NRXN2: variants seen among roughly 807,000 people sequenced by gnomAD.
The protein encoded by NRXN2 is neurexin 2.
NRXN2 carries 29 observed loss-of-function variants against 128.8 expected under a neutral mutation model. That is an observed-to-expected ratio of 0.23 (90% confidence interval 0.17 to 0.31). NRXN2 has a LOEUF of 0.31. Ranked by LOEUF, NRXN2 falls within the 10% of genes least tolerant of loss-of-function variation. NRXN2 has a pLI of 1.00. For synonymous variants in NRXN2, 1,098 were observed against 1,075.2 expected (o/e 1.02, Z -0.41); for missense variants, 1,881 against 2,452.6 (o/e 0.77, Z 4.92).
In NRXN2 at chr11:64,607,734, G is replaced by C; in HGVS notation, c.4601C>G (p.Pro1534Arg). The C allele has an allele frequency of 1.3e-6, 2 of 1,572,260 alleles. No individual in the cohort carries two copies. Among genetic ancestry groups the C allele is most frequent in the South Asian group, 2.3e-5 (2 of 85,606 alleles). The change falls in exon 23 of 23, where the codon CCC becomes CGC. Residue 1534 changes from proline (P) to arginine (R), a missense_variant. Pro to Arg is a moderately radical substitution (Grantham distance 103). This residue lies in a region of NRXN2 where 310 missense variants were observed against 318.2 expected (regional missense o/e 0.97). Coordinates refer to ENST00000265459, the MANE Select transcript of NRXN2 (RefSeq NM_015080.4). ...TTLLSPRKPA[P>R]RPNLRTDGAT... is the part of the protein sequence containing the mutation. The stretch of plus-strand genomic sequence containing the variant: ...CCCATCTGTCCTGAGGTTGGGCCGG[G>C]GAGCGGGTTTGCGGGGTGACAGGAG...
At chr11:64,704,619 C>CAGAG in intron 2 of NRXN2, among the ~76,000 whole-genome samples, 4 of 104,106 alleles carry the variant, frequency 3.8e-5, no homozygotes, top group Non-Finnish European at 7.8e-5. Context: ...CACACACACA[C>CAGAG]ACACAGAGAG....
intron 19 of NRXN2, 32 bp from the exon 20 acceptor site, chr11:64,626,584 T>C: frequency 6.4e-7 from 1 of 1,552,568 alleles, no homozygotes; most frequent in Non-Finnish European, 8.9e-7. Context: ...AGTAGGTTTC[T>C]CAGGCAGCGA....
At chr11:64,647,371 C>T (rs1408167109) in intron 17 of NRXN2, among the ~76,000 whole-genome samples, 1 of 152,000 alleles carries the variant, frequency 6.6e-6, no homozygotes, top group Non-Finnish European at 1.5e-5. Flanking sequence ...ACTCCAGCCC[C>T]ATCATCCAAG....
At chr11:64,614,102 C>G (rs2041091576) in intron 22 of NRXN2, among the ~76,000 whole-genome samples, 1 of 152,130 alleles carries the variant, frequency 6.6e-6, no homozygotes, top group South Asian at 2.1e-4. Flanking sequence ...AAATCTGCAT[C>G]CCACAAGAGT....
chr11:64,667,113 G>T lies in NRXN2; in HGVS notation c.1798+137C>A. ...AGAAAGGACAATTGGGAAGACGTGA[G>T]GGGGGTGGAGGAGAAGCGGCAGGGA... On this transcript the variant is annotated intron_variant, in intron 9 of 22. Transcript: ENST00000265459. This position sits in a 1 kb window ranked among gnomAD's most constrained non-coding sequence, Gnocchi z 5.6. 1.1e-6 allele frequency: 1 copy of T among 872,616 alleles called. No individual in the cohort carries two copies. The highest frequency in any genetic ancestry group is 2.0e-5 in the Admixed American group (1 of 49,924). 54.1% of individuals were successfully genotyped at this position (872,616 alleles called of 1,614,324 possible). A position where few individuals can be genotyped will look rare whatever the true frequency, so the allele number is the denominator to read the frequency against.
intron 22 of NRXN2, among the ~76,000 whole-genome samples, chr11:64,611,830 C>T (rs999991184): frequency 2.0e-5 from 3 of 152,164 alleles, no homozygotes; most frequent in Non-Finnish European, 4.4e-5. Flanking sequence ...TCCTCTGGGG[C>T]TTCCCTGGGC....
intron 17 of NRXN2, chr11:64,642,594 G>T (rs200324728): frequency 3.1e-6 from 5 of 1,610,376 alleles, no homozygotes. Context: ...GCACGGTGCC[G>T]TGCTTGCTGT....
At chr11:64,666,547 G>A in intron 9 of NRXN2, among the ~76,000 whole-genome samples, 1 of 151,614 alleles carries the variant, frequency 6.6e-6, no homozygotes, top group Non-Finnish European at 1.5e-5. Context: ...AGACAGAAGG[G>A]AGGCATGGCT....
At chr11:64,626,324 G>C in intron 20 of NRXN2, 139 bp downstream of exon 20, 2 of 686,512 alleles carry the variant, frequency 2.9e-6, no homozygotes, top group East Asian at 2.8e-5. Flanking sequence ...AAGGGGAAGG[G>C]AGCATTCTGG....
At chr11:64,688,225 C>A in intron 5 of NRXN2, 15 of 929,316 alleles carry the variant, frequency 1.6e-5, no homozygotes, top group African/African-American at 1.8e-5. Context: ...TGCCTCCAGT[C>A]TCCTGGGGTG....
chr11:64,713,689 C>A lies in NRXN2; in HGVS notation c.11G>T (p.Gly4Val). The change falls in exon 2 of 23, where the codon GGG (glycine) becomes GTG (valine). Residue 4 changes from glycine to valine, a missense_variant. Transcript: ENST00000265459. ...CGGCGGTGTCGGCCGCCACCGGCTC[C>A]CGGACGCCATGCCTACGGCGGCCCC... MAS[G>V]SRWRPTPPPL... 1 of 1,132,266 alleles carries A rather than the reference C, an allele frequency of 8.8e-7. No homozygotes were observed. Among genetic ancestry groups the A allele is most frequent in the Non-Finnish European group, 1.1e-6 (1 of 927,376 alleles). The allele number at this position is 1,132,266 out of a possible 1,614,324, so 70.1% of individuals were successfully genotyped here. A position where few individuals can be genotyped will look rare whatever the true frequency, so the allele number is the denominator to read the frequency against.
intron 15 of NRXN2, among the ~76,000 whole-genome samples, chr11:64,649,732 G>T (rs2047200602): frequency 2.0e-5 from 3 of 152,170 alleles, no homozygotes; most frequent in Admixed American, 1.3e-4. Flanking sequence ...GCAGGCTGAT[G>T]CCCAGGGGTT....
At chr11:64,716,644 A>C (rs903882387) in intron 1 of NRXN2, among the ~76,000 whole-genome samples, 27 of 152,244 alleles carry the variant, frequency 1.8e-4, no homozygotes, top group Non-Finnish European at 3.2e-4. Context: ...GGTCGGAAGC[A>C]GGGTCTGGGC....
chr11:64,681,109 A>G (rs1408604722), intron 6 of NRXN2, among the ~76,000 whole-genome samples: 1 of 148,878 alleles, frequency 6.7e-6, no homozygotes, highest in East Asian at 1.9e-4. Context: ...AAAAAAAAAA[A>G]AAAAAGTAAA....
At chr11:64,661,198 ACT>A in intron 9 of NRXN2, 59 bp from the exon 10 acceptor site, 1 of 1,608,340 alleles carries the variant, frequency 6.2e-7, no homozygotes, top group East Asian at 2.2e-5. Flanking sequence ...GGACATCCTG[ACT>A]CTGCCAAGAA....
intron 6 of NRXN2, among the ~76,000 whole-genome samples, chr11:64,677,556 G>A (rs1438737342): frequency 6.6e-6 from 1 of 152,184 alleles, no homozygotes; most frequent in Non-Finnish European, 1.5e-5. Context: ...TGGTCCCCTG[G>A]GTTATAAGCG....
intron 9 of NRXN2, among the ~76,000 whole-genome samples, chr11:64,661,789 G>A (rs555746549): frequency 6.6e-6 from 1 of 152,258 alleles, no homozygotes; most frequent in Admixed American, 6.5e-5. Context: ...GCCAAAGTAT[G>A]GTCCCAGCAG....
chr11:64,694,230 G>A (rs947254426), intron 3 of NRXN2, among the ~76,000 whole-genome samples: 4 of 152,192 alleles, frequency 2.6e-5, no homozygotes, highest in African/African-American at 4.8e-5. Context: ...GTCTGGCCAA[G>A]AGGGTAGGAA....
intron 2 of NRXN2, among the ~76,000 whole-genome samples, chr11:64,703,006 T>C (rs1031864371): frequency 1.7e-4 from 25 of 143,102 alleles, no homozygotes; most frequent in Non-Finnish European, 3.5e-4. Flanking sequence ...AAAGAAAGAA[T>C]TAAAAAAAAA....
Sources: gnomAD v4.1 joint callset for allele counts (sites outside exome capture counted in the v4.1 genomes callset) on GRCh38, gnomAD v4.1.1 for gene constraint, gnomAD v4.1.1 regional missense constraint, Gnocchi (gnomAD v3.1) non-coding constraint, MANE v1.5 for transcripts, NCBI Gene and HGNC (gene_info 2026-07-23, HGNC 2026-07-21) for gene names.